SSH2: variants seen among roughly 807,000 people sequenced by gnomAD.
The protein encoded by SSH2 is protein phosphatase Slingshot homolog 2.
A neutral mutation model predicts 135.2 loss-of-function variants in SSH2; 37 were observed. That is an observed-to-expected ratio of 0.27 (90% CI 0.21 to 0.36). The LOEUF is 0.36. SSH2 is among the 10% of genes least tolerant of loss of function. The pLI, the probability that SSH2 is intolerant of heterozygous loss-of-function variation, is 1.00. For synonymous variants in SSH2, 628 were observed against 646.2 expected (o/e 0.97, Z 0.43); for missense variants, 1,408 against 1,765.3 (o/e 0.80, Z 3.63).
At chr17:29,737,972 C>T (rs187456630) in intron 3 of SSH2, among the ~76,000 whole-genome samples, 154 of 151,920 alleles carry the variant, frequency 1.0e-3, no homozygotes, top group African/African-American at 3.6e-3. Flanking sequence ...AGGGTACATG[C>T]GCACAACGTG....
intron 5 of SSH2, among the ~76,000 whole-genome samples, chr17:29,685,925 C>T (rs1228550833): frequency 3.3e-5 from 5 of 149,850 alleles, no homozygotes; most frequent in African/African-American, 7.3e-5. Flanking sequence ...CTCGGCTCAC[C>T]GCAACCTCTG....
chr17:29,722,261 G>A (rs898212606), intron 3 of SSH2, among the ~76,000 whole-genome samples: 5 of 146,444 alleles, frequency 3.4e-5, no homozygotes, highest in Middle Eastern at 3.4e-3. Flanking sequence ...GCAATAGAAC[G>A]GGACATTATC....
chr17:29,783,237 A>G (rs151074328), intron 3 of SSH2, among the ~76,000 whole-genome samples: 1 of 149,178 alleles, frequency 6.7e-6, no homozygotes, highest in Non-Finnish European at 1.5e-5. Context: ...AGGGTTCTCT[A>G]TAGGGACAGA....
At chr17:29,805,981 T>C (rs1241463825) in intron 2 of SSH2, among the ~76,000 whole-genome samples, 1 of 152,198 alleles carries the variant, frequency 6.6e-6, no homozygotes, top group African/African-American at 2.4e-5. Flanking sequence ...TAAATGTGGT[T>C]CAAGATTTCA....
At position 29,695,537 on chromosome 17, in the gene SSH2, C is replaced by T. The variant is rs1477128369; in HGVS notation, c.293-14G>A. ...GTTGGAGATCGCCTGGTGAAATTTACAAACCAAAGGATAATTATTCTCCAT... is the reference window on the plus strand; with the variant it reads ...GTTGGAGATCGCCTGGTGAAATTTATAAACCAAAGGATAATTATTCTCCAT... On this transcript the variant is annotated splice_polypyrimidine_tract_variant and intron_variant, in intron 4 of 15. Coordinates refer to ENST00000540801, the MANE Select transcript of SSH2 (RefSeq NM_001282129.2). The T allele has an allele frequency of 5.6e-6, 9 of 1,604,074 alleles. No homozygotes were observed. In the South Asian group the frequency reaches 8.9e-5, roughly 16 times the overall value.
At chr17:29,736,863 G>T (rs992145881) in intron 3 of SSH2, among the ~76,000 whole-genome samples, 2 of 146,032 alleles carry the variant, frequency 1.4e-5, no homozygotes, top group Non-Finnish European at 3.0e-5. Context: ...ACTTTGGGAG[G>T]TCGAGGCAGG....
Position 29,830,006 on chromosome 17 carries a change from A to AT in SSH2, c.144+18842dup, listed in dbSNP as rs1194140748. Among the ~76,000 whole-genome samples, 9 of 151,826 alleles carry AT rather than the reference A, an allele frequency of 5.9e-5. No homozygotes were observed. The East Asian group carries it at 1.7e-3, about 29-fold the overall frequency. On this transcript the variant is annotated intron_variant, in intron 2 of 15. Coordinates refer to ENST00000540801, the MANE Select transcript of SSH2 (RefSeq NM_001282129.2). ...AGGTGCCCGCCACCTCACCTGGCTA[A>AT]TTTTTTGTATTTTTAGTAGAGATGG... is the stretch of plus-strand genomic sequence containing the variant.
At chr17:29,670,026 C>T (rs1042714151) in intron 9 of SSH2, among the ~76,000 whole-genome samples, 4 of 151,898 alleles carry the variant, frequency 2.6e-5, no homozygotes, top group African/African-American at 9.7e-5. Context: ...GGATTACAGG[C>T]GCCTGCCACC....
intron 1 of SSH2, among the ~76,000 whole-genome samples, chr17:29,852,385 G>A (rs1424117563): frequency 6.6e-6 from 1 of 151,814 alleles, no homozygotes; most frequent in Non-Finnish European, 1.5e-5. Context: ...AATTCATTAA[G>A]ATACAAGGTA....
intron 15 of SSH2, 136 bp from the exon 16 acceptor site, chr17:29,633,067 C>T: frequency 1.4e-6 from 1 of 737,800 alleles, no homozygotes; most frequent in Non-Finnish European, 2.2e-6. Context: ...TGCCTGGGAC[C>T]ACACTCTGCC....
At position 29,802,182 on chromosome 17, in the gene SSH2, TTCATTCATTC is replaced by T. The variant is rs545436058; in HGVS notation, c.145-8255_145-8246del. ...CAGCCCATCTGCTCTCAATTATATA[TTCATTCATTC>T]TCATTCATTCATTCATTCAACATTC... On this transcript the variant is annotated intron_variant, in intron 2 of 15. Transcript: ENST00000540801. Among the ~76,000 whole-genome samples, 342 of 152,320 alleles carry T rather than the reference TTCATTCATTC, an allele frequency of 2.2e-3. 1 individual carries two copies. The highest frequency in any genetic ancestry group is 7.9e-3 in the African/African-American group (328 of 41,574).
chr17:29,908,591 C>T lies in SSH2; in HGVS notation c.63+21347G>A, dbSNP rs185172473. Among the ~76,000 whole-genome samples, 6 of 151,916 alleles carry T rather than the reference C, an allele frequency of 3.9e-5. No homozygotes were observed. In the East Asian group the frequency reaches 1.2e-3, roughly 29 times the overall value. On this transcript the variant is annotated intron_variant, in intron 1 of 15. Transcript: ENST00000540801. The stretch of plus-strand genomic sequence containing the variant: ...ACCAGCCTGGCCAACATGGTGAACC[C>T]CGTCTCTACTAAAAATACAAAAATT...
chr17:29,846,318 G>A (rs2043133165), intron 2 of SSH2, among the ~76,000 whole-genome samples: 1 of 152,184 alleles, frequency 6.6e-6, no homozygotes, highest in Admixed American at 6.5e-5. Flanking sequence ...ACAGGCATGA[G>A]CCACTGTGCC....
chr17:29,830,144 C>A (rs969496396), intron 2 of SSH2, among the ~76,000 whole-genome samples: 2 of 152,080 alleles, frequency 1.3e-5, no homozygotes, highest in African/African-American at 2.4e-5. Context: ...TAGCCAAGAT[C>A]AAGATTTTTG....
Position 29,676,890 on chromosome 17 carries a change from G to A in SSH2, c.549-5C>T. ...TCCGTCGATACACTGAACCCACTAA[G>A]GACAAATGAGAACAAGACAAAAATC... On this transcript the variant is annotated splice_region_variant and splice_polypyrimidine_tract_variant and intron_variant, in intron 7 of 15. Coordinates refer to ENST00000540801, the MANE Select transcript of SSH2 (RefSeq NM_001282129.2). The A allele has an allele frequency of 6.2e-7, 1 of 1,613,056 alleles. No homozygotes were observed. The highest frequency in any genetic ancestry group is 8.5e-7 in the Non-Finnish European group (1 of 1,179,284).
At chr17:29,689,148 T>G (rs892058423) in intron 5 of SSH2, among the ~76,000 whole-genome samples, 1 of 119,816 alleles carries the variant, frequency 8.3e-6, no homozygotes, top group Admixed American at 9.6e-5. Context: ...ACAGGGCAAG[T>G]GAGACTCTCA....
chr17:29,804,464 T>C (rs914210704), intron 2 of SSH2, among the ~76,000 whole-genome samples: 2 of 152,214 alleles, frequency 1.3e-5, no homozygotes, highest in Non-Finnish European at 2.9e-5. Flanking sequence ...GACATCACAG[T>C]CCAGTCAATG....
chr17:29,742,914 C>T (rs1051615833), intron 3 of SSH2, among the ~76,000 whole-genome samples: 4 of 151,866 alleles, frequency 2.6e-5, no homozygotes, highest in African/African-American at 4.8e-5. Flanking sequence ...GGATTACAGG[C>T]GTGAGCCCCT....
chr17:29,860,850 A>G (rs1026596804), intron 1 of SSH2, among the ~76,000 whole-genome samples: 21 of 151,876 alleles, frequency 1.4e-4, no homozygotes, highest in African/African-American at 5.1e-4. Flanking sequence ...GGTTCAAGCA[A>G]TTCTCGTGCT....
Sources: allele counts gnomAD v4.1 joint callset (sites outside exome capture counted in the v4.1 genomes callset), GRCh38; gene constraint gnomAD v4.1.1; transcripts MANE v1.5; gene names NCBI Gene and HGNC (gene_info 2026-07-23, HGNC 2026-07-21).